The following SIGLEC1 variants were observed in gnomAD, a reference collection of about 807,000 sequenced individuals.
SIGLEC1 encodes the protein sialic acid binding Ig like lectin 1, also known as sialoadhesin.
A neutral mutation model predicts 148.0 loss-of-function variants in SIGLEC1; 132 were observed. That is an observed-to-expected ratio of 0.89 (90% CI 0.77 to 1.03). The LOEUF (loss-of-function observed/expected upper bound fraction) is 1.03, where lower values mean the gene tolerates loss of function less well. Ranked by LOEUF, SIGLEC1 falls within the 50% of genes least tolerant of loss-of-function variation. The pLI is 0.00. For missense variants in SIGLEC1, 2,253 were observed against 2,271.4 expected, an observed-to-expected ratio of 0.99 and a Z score of 0.16; for synonymous variants, 945 against 969.0, an observed-to-expected ratio of 0.98 and a Z score of 0.46.
chr20:3,691,870 A>G (rs1225094213), intron 17 of SIGLEC1, 33 bp downstream of exon 17: 2 of 1,544,546 alleles, frequency 1.3e-6, no homozygotes, highest in Admixed American at 3.6e-5. Context: ...TGAGAGCATC[A>G]GAGCCCCTCC....
chr20:3,698,529 A>G (rs1003331171), intron 8 of SIGLEC1, among the ~76,000 whole-genome samples: 2 of 152,032 alleles, frequency 1.3e-5, no homozygotes, highest in African/African-American at 4.8e-5. Flanking sequence ...CCTCCCCTCA[A>G]GATCTGCCCT....
chr20:3,693,580 C>T lies in SIGLEC1; in HGVS notation c.3375G>A (p.Gly1125=). Residue 1125 remains glycine, a synonymous_variant, in exon 14 of 22, where the codon GGG becomes GGA. Coordinates refer to ENST00000344754, the MANE Select transcript of SIGLEC1 (RefSeq NM_023068.4). Reference sequence around the variant, plus strand: ...TGGAGTGGGCATCCAGGCGCTGCTGCCCATCCTGGTACCATGTGTAGGTGA... The same window carrying T: ...TGGAGTGGGCATCCAGGCGCTGCTGTCCATCCTGGTACCATGTGTAGGTGA... ...AQLTYTWYQD[G]QQRLDAHSIP... 6.2e-7 allele frequency: 1 copy of T among 1,612,696 alleles called. No homozygotes were observed. The highest frequency in any genetic ancestry group is 8.5e-7 in the Non-Finnish European group (1 of 1,179,620).
At chr20:3,695,407 G>A (rs149978527) in intron 11 of SIGLEC1, among the ~76,000 whole-genome samples, 74 of 152,338 alleles carry the variant, frequency 4.9e-4, no homozygotes, top group Middle Eastern at 3.4e-3. Context: ...TATCTTGAGC[G>A]CTCTCGCCAG....
At chr20:3,701,720 T>C in intron 6 of SIGLEC1, 79 bp from the exon 7 acceptor site, 2 of 1,362,458 alleles carry the variant, frequency 1.5e-6, no homozygotes, top group Non-Finnish European at 2.0e-6. Context: ...CCGTGACCTC[T>C]GCACCGCTTT....
rs762367439 is a variant in SIGLEC1, at chr20:3,688,188, G to A, written c.*372C>T. 1 of 329,642 alleles carries A rather than the reference G, an allele frequency of 3.0e-6. No individual in the cohort carries two copies. Among genetic ancestry groups the A allele is most frequent in the Non-Finnish European group, 5.8e-6 (1 of 171,264 alleles). 20.4% of individuals were successfully genotyped at this position (329,642 alleles called of 1,614,324 possible). Reference sequence around the variant, plus strand: ...TACTCTGTTGAATACAGAATGCCTTGGTGAGCCTCTGAGGATGCAGGATGC... The same window carrying A: ...TACTCTGTTGAATACAGAATGCCTTAGTGAGCCTCTGAGGATGCAGGATGC... On this transcript the variant is annotated 3_prime_UTR_variant, in exon 22 of 22. Transcript: ENST00000344754.
rs771570323 is a variant in SIGLEC1, at chr20:3,692,722, T to C, written c.3829A>G (p.Ile1277Val). Residue 1277 changes from isoleucine (I) to valine (V), a missense_variant, in exon 16 of 22, where the codon ATC becomes GTC. Coordinates refer to ENST00000344754, the MANE Select transcript of SIGLEC1 (RefSeq NM_023068.4). ...PEAAVPEGAP[I>V]TVTCADPAAH... ...GCAGGGTCCGCACAGGTCACTGTGA[T>C]GGGGGCACCTTCAGGCACGGCAGCC... The C allele has an allele frequency of 8.7e-6, 14 of 1,612,384 alleles. No individual in the cohort carries two copies. In the Admixed American group the frequency reaches 2.2e-4, roughly 25 times the overall value.
rs1568463787 is a variant in SIGLEC1 at position 3,707,122 on chromosome 20, A to T, written c.7T>A (p.Phe3Ile). 4 of 1,614,060 alleles carry T rather than the reference A, an allele frequency of 2.5e-6. No individual in the cohort carries two copies. The highest frequency in any genetic ancestry group is 3.4e-6 in the Non-Finnish European group (4 of 1,179,970). ...GCCAGGAGGAGAAGCTTGGGCAAGA[A>T]GCCCATAGCAGGTTCTTGTGCTGCT... The part of the protein sequence containing the change: MG[F>I]LPKLLLLASF... Residue 3 changes from phenylalanine (F) to isoleucine (I), a missense_variant, in exon 2 of 22, where the codon TTC (phenylalanine) becomes ATC (isoleucine). By Grantham distance (21) the Phe-to-Ile change is conservative. Transcript: ENST00000344754.
rs1255604782 is a variant in SIGLEC1, at chr20:3,699,426, A to G, written c.1562T>C (p.Val521Ala). Residue 521 changes from valine to alanine, a missense_variant, in exon 8 of 22, where the codon GTG (valine) becomes GCG (alanine). Coordinates refer to ENST00000344754, the MANE Select transcript of SIGLEC1 (RefSeq NM_023068.4). The stretch of plus-strand genomic sequence containing the variant: ...CAGTGTCACTGCCTGTCCTTCCACC[A>G]CCTCGGCTGCCGGGCTGATGAGGAG... Reference protein sequence around the residue: ...ARLLISPAAEVVEGQAVTLSC... With the variant: ...ARLLISPAAEAVEGQAVTLSC... 1.2e-6 allele frequency: 2 copies of G among 1,609,110 alleles called. No homozygotes were observed. Among genetic ancestry groups the G allele is most frequent in the African/African-American group, 2.7e-5 (2 of 74,852 alleles).
Position 3,703,891 on chromosome 20 carries a change from A to G in SIGLEC1, c.907T>C (p.Tyr303His). 6.2e-7 allele frequency: 1 copy of G among 1,614,064 alleles called. No individual in the cohort carries two copies. Among genetic ancestry groups the G allele is most frequent in the Non-Finnish European group, 8.5e-7 (1 of 1,180,014 alleles). The change falls in exon 5 of 22, where the codon TAC (tyrosine) becomes CAC (histidine). Residue 303 changes from tyrosine to histidine, a missense_variant. Physicochemically the swap from Tyr to His is moderately conservative, Grantham distance 83 (BLOSUM62 2). Coordinates refer to ENST00000344754, the MANE Select transcript of SIGLEC1 (RefSeq NM_023068.4). ...ACGCCGTTCTCAGCTTGGCAGGTGT[A>G]GACGCCAGCATCGCTCCAGGCTGCC... ...PQAAWSDAGV[Y>H]TCQAENGVGS...
intron 14 of SIGLEC1, 34 bp from the exon 15 acceptor site, chr20:3,693,165 G>A: frequency 6.6e-7 from 1 of 1,510,380 alleles, no homozygotes; most frequent in Non-Finnish European, 8.8e-7. Context: ...CGGAGTCACA[G>A]GCAGCAGCCT....
rs765469377 is a variant in SIGLEC1, at chr20:3,705,942, G to C, written c.508C>G (p.Gln170Glu). ...TGGCCTTGCCACTGCAGTCTGACCT[G>C]CTCCTGCAGGCATACGTAGGGAGTG... ...CSTPYVCLQE[Q>E]VRLQWQGQDP... is the part of the protein sequence containing the mutation. Residue 170 changes from glutamine (Q) to glutamate (E), a missense_variant, in exon 4 of 22, where the codon CAG (glutamine) becomes GAG (glutamate). By Grantham distance (29) the Gln-to-Glu change is conservative. Transcript: ENST00000344754. The C allele has an allele frequency of 6.2e-7, 1 of 1,614,120 alleles. No individual in the cohort carries two copies.
intron 17 of SIGLEC1, 42 bp downstream of exon 17, chr20:3,691,861 G>A (rs1034638714): frequency 1.3e-6 from 2 of 1,537,614 alleles, no homozygotes; most frequent in Admixed American, 1.9e-5. Flanking sequence ...ACTTGGACCT[G>A]AGAGCATCAG....
chr20:3,696,824 G>T lies in SIGLEC1; in HGVS notation c.2445C>A (p.Phe815Leu). ...GGGGGCGGCTGTCCACAGTGCAGAT[G>T]AACAGAGCCATGTGGCCCTGGCCCA... The part of the protein sequence containing the change: ...LDMGQGHMAL[F>L]ICTVDSRPLA... The change falls in exon 11 of 22, where the codon TTC becomes TTA. Residue 815 changes from phenylalanine (F) to leucine (L), a missense_variant. Phe to Leu is a conservative substitution (Grantham distance 22). Transcript: ENST00000344754. The T allele has an allele frequency of 6.2e-7, 1 of 1,601,660 alleles. No individual in the cohort carries two copies. The highest frequency in any genetic ancestry group is 1.1e-5 in the South Asian group (1 of 89,876).
In SIGLEC1 at chr20:3,704,306, C is replaced by T. The variant is rs188079322; in HGVS notation, c.707-215G>A. Reference sequence around the variant, plus strand: ...GATGCATTCCTATGCCCATTGAGAGCTGATCATGTGACGCTTGGCCAGCGT... The same window carrying T: ...GATGCATTCCTATGCCCATTGAGAGTTGATCATGTGACGCTTGGCCAGCGT... On this transcript the variant is annotated intron_variant, in intron 4 of 21. Coordinates refer to ENST00000344754, the MANE Select transcript of SIGLEC1 (RefSeq NM_023068.4). Among the ~76,000 whole-genome samples, 567 of 152,324 alleles carry T rather than the reference C, an allele frequency of 3.7e-3. 4 individuals carry two copies. Among genetic ancestry groups the T allele is most frequent in the African/African-American group, 0.013 (534 of 41,578 alleles).
rs760381990 is a variant in SIGLEC1 at position 3,704,095 on chromosome 20, C to T, written c.707-4G>A. Reference sequence around the variant, plus strand: ...ATCTTCACACCCTTGGGGGCATCTGCAAGTCACAGTAGGGGGTATTGGGTA... The same window carrying T: ...ATCTTCACACCCTTGGGGGCATCTGTAAGTCACAGTAGGGGGTATTGGGTA... On this transcript the variant is annotated splice_polypyrimidine_tract_variant and splice_region_variant and intron_variant, in intron 4 of 21. Coordinates refer to ENST00000344754, the MANE Select transcript of SIGLEC1 (RefSeq NM_023068.4). The T allele has an allele frequency of 1.6e-5, 26 of 1,610,266 alleles. No individual in the cohort carries two copies. Among genetic ancestry groups the T allele is most frequent in the Non-Finnish European group, 1.9e-5 (22 of 1,178,402 alleles).
intron 2 of SIGLEC1, 41 bp from the exon 3 acceptor site, chr20:3,706,747 C>T (rs1257474676): frequency 7.3e-6 from 11 of 1,501,584 alleles, no homozygotes; most frequent in African/African-American, 2.8e-5. Flanking sequence ...GAGGGTGATA[C>T]AGGCCTCAGG....
chr20:3,698,123 T>C lies in SIGLEC1; in HGVS notation c.1797A>G (p.Arg599=). The change falls in exon 9 of 22, where the codon CGA becomes CGG. Residue 599 remains arginine (R), a synonymous_variant. Coordinates refer to ENST00000344754, the MANE Select transcript of SIGLEC1 (RefSeq NM_023068.4). Reference sequence around the variant, plus strand: ...CCAGCCTGGTGGTGAATGTTGGTTGTCGAGGGGGGTCTGCAGGGAGGAAGA... The same window carrying C: ...CCAGCCTGGTGGTGAATGTTGGTTGCCGAGGGGGGTCTGCAGGGAGGAAGA... The part of the protein sequence containing the change: ...PAVLTVLYPP[R]QPTFTTRLDL... The C allele has an allele frequency of 1.3e-6, 2 of 1,594,404 alleles. No homozygotes were observed. The highest frequency in any genetic ancestry group is 1.7e-6 in the Non-Finnish European group (2 of 1,172,912).
rs145108646 is a variant in SIGLEC1, at chr20:3,693,128, G to A, written c.3512C>T (p.Ala1171Val). The change falls in exon 15 of 22, where the codon GCG (alanine) becomes GTG (valine). Residue 1171 changes from alanine to valine, a missense_variant. Ala to Val is a moderately conservative substitution (Grantham distance 64). Coordinates refer to ENST00000344754, the MANE Select transcript of SIGLEC1 (RefSeq NM_023068.4). ...GTAGGTCAGGCGCAGGTTGCGGGGC[G>A]CGTCTGCAGGGCATGAGAGGCTTAC... Reference protein sequence around the residue: ...SRPITLDVLYAPRNLRLTYLL... With the variant: ...SRPITLDVLYVPRNLRLTYLL... 93 of 1,552,318 alleles carry A rather than the reference G, an allele frequency of 6.0e-5. No individual in the cohort carries two copies. The highest frequency in any genetic ancestry group is 3.5e-4 in the Middle Eastern group (2 of 5,710).
intron 4 of SIGLEC1, among the ~76,000 whole-genome samples, chr20:3,704,742 G>A (rs1346215190): frequency 7.2e-5 from 11 of 151,764 alleles, no homozygotes; most frequent in Non-Finnish European, 1.3e-4. Flanking sequence ...TCAGCCTCCC[G>A]AGGAACTGGG....
Sources: gnomAD v4.1 joint callset for allele counts (sites outside exome capture counted in the v4.1 genomes callset) on GRCh38, gnomAD v4.1.1 for gene constraint, MANE v1.5 for transcripts, NCBI Gene and HGNC (gene_info 2026-07-23, HGNC 2026-07-21) for gene names.